OSBPL5: variants seen among roughly 807,000 people sequenced by gnomAD.
OSBPL5 encodes oxysterol binding protein like 5.
A neutral mutation model predicts 111.2 loss-of-function variants in OSBPL5; 71 were observed. That is an observed-to-expected ratio of 0.64 (90% CI 0.53 to 0.78). The LOEUF (loss-of-function observed/expected upper bound fraction) is 0.78. OSBPL5 is among the 30% of genes least tolerant of loss of function. The pLI, the probability that OSBPL5 is intolerant of heterozygous loss-of-function variation, is 0.00. For missense variants in OSBPL5, 1,210 were observed against 1,189.3 expected, an observed-to-expected ratio of 1.02 and a Z score of -0.26; for synonymous variants, 549 against 513.9, an observed-to-expected ratio of 1.07 and a Z score of -0.93.
intron 10 of OSBPL5, among the ~76,000 whole-genome samples, chr11:3,103,893 T>C (rs79411157): frequency 1.8e-5 from 2 of 110,672 alleles, no homozygotes; most frequent in East Asian, 2.2e-4. Flanking sequence ...GCCCCATTCC[T>C]GCCTCTGCAG....
rs762319279 is a variant in OSBPL5, at chr11:3,103,764, GC to G, written c.1244+428del. Among the ~76,000 whole-genome samples the G allele has an allele frequency of 7.7e-3, 227 of 29,488 alleles. 5 individuals carry two copies. The highest frequency in any genetic ancestry group is 0.021 in the Middle Eastern group (1 of 48). The allele number at this position is 29,488 out of a possible 152,430, so 19.3% of individuals were successfully genotyped here. A position where few individuals can be genotyped will look rare whatever the true frequency, so the allele number is the denominator to read the frequency against. Reference sequence around the variant, plus strand: ...TCTGCAACCCTCTTCCAGCTCTGCAGCCCCCTTCCAGCCTCTGCAGTCCCTT... The same window carrying G: ...TCTGCAACCCTCTTCCAGCTCTGCAGCCCCTTCCAGCCTCTGCAGTCCCTT... On this transcript the variant is annotated intron_variant, in intron 10 of 21. Transcript: ENST00000263650.
intron 1 of OSBPL5, among the ~76,000 whole-genome samples, chr11:3,131,566 T>TCCAG (rs1858839830): frequency 7.7e-6 from 1 of 129,760 alleles, no homozygotes; most frequent in Admixed American, 7.4e-5. Context: ...CATTCATTCA[T>TCCAG]CCATCCATCC....
At chr11:3,089,609 C>G (rs1422042650) in intron 21 of OSBPL5, among the ~76,000 whole-genome samples, 1 of 152,226 alleles carries the variant, frequency 6.6e-6, no homozygotes. Flanking sequence ...AGCTCAGTAT[C>G]TGCCAGGCAT....
chr11:3,140,668 T>A lies in OSBPL5; in HGVS notation c.-21-11499A>T, dbSNP rs1485226937. 6.6e-6 allele frequency among the ~76,000 whole-genome samples: 1 copy of A among 152,166 alleles called. No homozygotes were observed. The highest frequency in any genetic ancestry group is 1.5e-5 in the Non-Finnish European group (1 of 68,014). On this transcript the variant is annotated intron_variant, in intron 1 of 21. Transcript: ENST00000263650. This position sits in a 1 kb window ranked among gnomAD's most constrained non-coding sequence, Gnocchi z 4.5. ...GCTCCCCTCTGTCCCCCAGCTCACA[T>A]TACCCAGGACTGGCTGTAGGAGCCT...
chr11:3,101,806 C>T (rs866511896), intron 12 of OSBPL5, 107 bp from the exon 13 acceptor site: 5 of 894,264 alleles, frequency 5.6e-6, no homozygotes, highest in Middle Eastern at 2.2e-4. Context: ...GACGCCACAT[C>T]TTCTCCCCCG....
intron 1 of OSBPL5, among the ~76,000 whole-genome samples, chr11:3,150,773 A>G (rs1846554207): frequency 1.3e-5 from 2 of 152,276 alleles, no homozygotes; most frequent in South Asian, 4.1e-4. Context: ...TGTGAAATGA[A>G]AAACCCCCTG....
rs1456555363 is a variant in OSBPL5, at chr11:3,089,961, C to T, written c.2399-13G>A. The stretch of plus-strand genomic sequence containing the variant: ...GGGCTCTCACCGCCTGGGACGGCCC[C>T]GAGTGAGACAAAGGAGGGGAGGGGA... On this transcript the variant is annotated splice_polypyrimidine_tract_variant and intron_variant, in intron 20 of 21. Transcript: ENST00000263650. 3.3e-6 allele frequency: 5 copies of T among 1,519,822 alleles called. No individual in the cohort carries two copies. Among genetic ancestry groups the T allele is most frequent in the Middle Eastern group, 1.8e-4 (1 of 5,684 alleles). The allele number at this position is 1,519,822 out of a possible 1,614,324, so 94.1% of individuals were successfully genotyped here.
At chr11:3,111,140 C>G (rs1000172870) in intron 7 of OSBPL5, among the ~76,000 whole-genome samples, 16 of 152,028 alleles carry the variant, frequency 1.1e-4, no homozygotes, top group Non-Finnish European at 2.2e-4. Flanking sequence ...AGCACCTCCC[C>G]CCGTGCCCCA....
chr11:3,103,566 A>C (rs1307041306), intron 10 of OSBPL5, among the ~76,000 whole-genome samples: 1 of 152,142 alleles, frequency 6.6e-6, no homozygotes. Flanking sequence ...CTGGGCTGCC[A>C]GGGTGCCCCT....
chr11:3,149,840 C>T (rs1846512311), intron 1 of OSBPL5, among the ~76,000 whole-genome samples: 1 of 152,316 alleles, frequency 6.6e-6, no homozygotes, highest in Admixed American at 6.5e-5. Context: ...GGTGAGTGTT[C>T]CCTGTGTGCC....
Position 3,109,663 on chromosome 11 carries a change from G to A in OSBPL5, c.692-1718C>T, listed in dbSNP as rs1857843760. On this transcript the variant is annotated intron_variant, in intron 7 of 21. Coordinates refer to ENST00000263650, the MANE Select transcript of OSBPL5 (RefSeq NM_020896.4). The surrounding 1 kb of genome is among the most constrained non-coding windows in gnomAD (Gnocchi z 7.4). ...TATCTGGGATCCTGCTGGTTCCACT[G>A]CAGGCTTGGTTGGTGCCAGAGCGGC... 6.6e-6 allele frequency among the ~76,000 whole-genome samples: 1 copy of A among 152,072 alleles called. No individual in the cohort carries two copies. Among genetic ancestry groups the A allele is most frequent in the South Asian group, 2.1e-4 (1 of 4,822 alleles).
At chr11:3,155,046 AG>A (rs376695604) in intron 1 of OSBPL5, among the ~76,000 whole-genome samples, 4 of 152,200 alleles carry the variant, frequency 2.6e-5, no homozygotes, top group African/African-American at 9.6e-5. Context: ...TGACCCTGCA[AG>A]GACACAGGGA....
chr11:3,159,382 C>T (rs1846886054), intron 1 of OSBPL5, among the ~76,000 whole-genome samples: 1 of 152,188 alleles, frequency 6.6e-6, no homozygotes, highest in Admixed American at 6.5e-5. Flanking sequence ...ACAAAGTGCT[C>T]GCTGGTAGGG....
At chr11:3,088,437 T>A in intron 21 of OSBPL5, 94 bp from the exon 22 acceptor site, 2 of 1,312,156 alleles carry the variant, frequency 1.5e-6, no homozygotes, top group Non-Finnish European at 2.0e-6. Flanking sequence ...CTTGACCAGG[T>A]GCTGGACACA....
At chr11:3,164,675 G>A (rs1398295982) in intron 1 of OSBPL5, among the ~76,000 whole-genome samples, 1 of 152,206 alleles carries the variant, frequency 6.6e-6, no homozygotes, top group African/African-American at 2.4e-5. Flanking sequence ...AATCCAGGCA[G>A]CCCCCTGACT....
intron 3 of OSBPL5, among the ~76,000 whole-genome samples, chr11:3,123,846 C>A (rs931276177): frequency 6.6e-6 from 1 of 152,176 alleles, no homozygotes; most frequent in African/African-American, 2.4e-5. Flanking sequence ...TATTTCTGTG[C>A]CTGGGAAATC....
chr11:3,147,589 G>A (rs940642017), intron 1 of OSBPL5, among the ~76,000 whole-genome samples: 10 of 152,246 alleles, frequency 6.6e-5, no homozygotes, highest in Non-Finnish European at 1.5e-4. Flanking sequence ...GAATCGAGGC[G>A]CCAAGTGCTC....
intron 1 of OSBPL5, among the ~76,000 whole-genome samples, chr11:3,147,467 G>C (rs1846394869): frequency 6.6e-6 from 1 of 152,248 alleles, no homozygotes; most frequent in Non-Finnish European, 1.5e-5. Context: ...CCCAGGCTGT[G>C]GGTCAGCCCA....
At chr11:3,129,300 G>A in intron 1 of OSBPL5, 131 bp from the exon 2 acceptor site, 2 of 883,216 alleles carry the variant, frequency 2.3e-6, no homozygotes, top group Non-Finnish European at 3.1e-6. Context: ...AGGAGGGCCT[G>A]GGCCCTGGGA....
Sources: gnomAD v4.1 joint callset for allele counts (sites outside exome capture counted in the v4.1 genomes callset) on GRCh38, gnomAD v4.1.1 for gene constraint, Gnocchi (gnomAD v3.1) non-coding constraint, MANE v1.5 for transcripts, NCBI Gene and HGNC (gene_info 2026-07-23, HGNC 2026-07-21) for gene names.